NALF1: variants seen among roughly 807,000 people sequenced by gnomAD.
The protein encoded by NALF1 is NALCN channel auxiliary factor 1.
Under a neutral mutation model 48.4 loss-of-function variants are expected in NALF1, and 3 were observed. That is an observed-to-expected ratio of 0.06 (90% CI 0.03 to 0.16). The LOEUF is 0.16. Among genes scored for constraint, NALF1 ranks in the 10% least tolerant of loss-of-function variants. The pLI is 1.00. For missense variants in NALF1, 526 were observed against 571.5 expected (o/e 0.92, Z 0.81); for synonymous variants, 262 against 245.7 (o/e 1.07, Z -0.62).
chr13:107,501,362 AACTTT>A (rs1457642828), intron 1 of NALF1, among the ~76,000 whole-genome samples: 1 of 152,008 alleles, frequency 6.6e-6, no homozygotes, highest in Non-Finnish European at 1.5e-5. Flanking sequence ...AGCAATGCCT[AACTTT>A]ACTTTGCTGC....
chr13:107,300,328 C>A (rs1264819701), intron 1 of NALF1, among the ~76,000 whole-genome samples: 1 of 152,188 alleles, frequency 6.6e-6, no homozygotes, highest in African/African-American at 2.4e-5. Context: ...AATTTCCAAA[C>A]CAGGATAAAC....
In NALF1 at chr13:107,355,009, G is replaced by C. The variant is rs184478655; in HGVS notation, c.916-144254C>G. On this transcript the variant is annotated intron_variant, in intron 1 of 2. Coordinates refer to ENST00000375915, the MANE Select transcript of NALF1 (RefSeq NM_001080396.3). Reference sequence around the variant, plus strand: ...AGGACTAAGGATTTCAGCAGGGCATGGATTTGAGACCTTCAAGCCAGTTTC... The same window carrying C: ...AGGACTAAGGATTTCAGCAGGGCATCGATTTGAGACCTTCAAGCCAGTTTC... Among the ~76,000 whole-genome samples, 52 of 152,312 alleles carry C rather than the reference G, an allele frequency of 3.4e-4. No homozygotes were observed. In the East Asian group the frequency reaches 8.9e-3, roughly 26 times the overall value.
At chr13:107,332,361 GA>G in intron 1 of NALF1, among the ~76,000 whole-genome samples, 1 of 152,192 alleles carries the variant, frequency 6.6e-6, no homozygotes, top group Middle Eastern at 3.4e-3. Flanking sequence ...TAAACGGTGA[GA>G]AAAAAAATCT....
At chr13:107,659,434 T>A (rs1030914168) in intron 1 of NALF1, among the ~76,000 whole-genome samples, 1 of 152,140 alleles carries the variant, frequency 6.6e-6, no homozygotes, top group East Asian at 1.9e-4. Context: ...AAAATCATCC[T>A]TGTAATCCCT....
At position 107,610,175 on chromosome 13, in the gene NALF1, C is replaced by T. The variant is rs576168599; in HGVS notation, c.915+255507G>A. Among the ~76,000 whole-genome samples the T allele has an allele frequency of 2.6e-5, 4 of 152,326 alleles. No homozygotes were observed. In the South Asian group the frequency reaches 6.2e-4, roughly 24 times the overall value. On this transcript the variant is annotated intron_variant, in intron 1 of 2. Coordinates refer to ENST00000375915, the MANE Select transcript of NALF1 (RefSeq NM_001080396.3). Reference sequence around the variant, plus strand: ...GTTACTAGGGAAGAGGAAACTGGTACAGCTACTTTGACAAGCACCTGGGCA... The same window carrying T: ...GTTACTAGGGAAGAGGAAACTGGTATAGCTACTTTGACAAGCACCTGGGCA...
intron 1 of NALF1, among the ~76,000 whole-genome samples, chr13:107,488,355 T>C (rs543602851): frequency 2.6e-5 from 4 of 152,244 alleles, no homozygotes. Context: ...GTTCTTTTAG[T>C]TGTGATGTTA....
chr13:107,550,141 A>C (rs1877251900), intron 1 of NALF1, among the ~76,000 whole-genome samples: 1 of 152,054 alleles, frequency 6.6e-6, no homozygotes, highest in Non-Finnish European at 1.5e-5. Flanking sequence ...CTTTTGAGGG[A>C]CTTTACTGTA....
intron 1 of NALF1, among the ~76,000 whole-genome samples, chr13:107,861,596 T>A (rs189582150): frequency 1.7e-3 from 253 of 152,266 alleles, no homozygotes; most frequent in Middle Eastern, 3.4e-3. Context: ...CATCCTGGCT[T>A]ACATGATGAA....
chr13:107,419,556 T>C (rs1223448400), intron 1 of NALF1, among the ~76,000 whole-genome samples: 2 of 152,222 alleles, frequency 1.3e-5, no homozygotes, highest in Non-Finnish European at 1.5e-5. Flanking sequence ...CAGGTGAGGA[T>C]GCTGAGGCAC....
chr13:107,830,755 C>T (rs1879695078), intron 1 of NALF1, among the ~76,000 whole-genome samples: 1 of 152,144 alleles, frequency 6.6e-6, no homozygotes, highest in Non-Finnish European at 1.5e-5. Flanking sequence ...CACAGGCCTC[C>T]AAAGGGAGGT....
At chr13:107,732,214 T>C (rs1478874916) in intron 1 of NALF1, among the ~76,000 whole-genome samples, 1 of 152,060 alleles carries the variant, frequency 6.6e-6, no homozygotes, top group Non-Finnish European at 1.5e-5. Flanking sequence ...ATATACTGTA[T>C]ACTACATGCA....
chr13:107,587,544 A>G (rs925632719), intron 1 of NALF1, among the ~76,000 whole-genome samples: 1 of 152,146 alleles, frequency 6.6e-6, no homozygotes, highest in Non-Finnish European at 1.5e-5. Flanking sequence ...GAGGGAGAAT[A>G]AAAGGAAAAG....
At chr13:107,203,524 C>CGT (rs1415651523) in intron 2 of NALF1, among the ~76,000 whole-genome samples, 2 of 152,186 alleles carry the variant, frequency 1.3e-5, no homozygotes, top group African/African-American at 4.8e-5. Flanking sequence ...TTGCCAGACA[C>CGT]GGTGTCACTT....
chr13:107,846,686 T>C (rs1880181763), intron 1 of NALF1, among the ~76,000 whole-genome samples: 1 of 152,192 alleles, frequency 6.6e-6, no homozygotes. Context: ...GAAATAAATC[T>C]GCTAGTAGGG....
chr13:107,563,879 C>T (rs2138395594), intron 1 of NALF1, among the ~76,000 whole-genome samples: 1 of 152,260 alleles, frequency 6.6e-6, no homozygotes, highest in African/African-American at 2.4e-5. Context: ...ATAAATTAAT[C>T]CACTATGAAT....
At chr13:107,473,780 T>A (rs1203832438) in intron 1 of NALF1, among the ~76,000 whole-genome samples, 4 of 152,330 alleles carry the variant, frequency 2.6e-5, no homozygotes, top group African/African-American at 9.6e-5. Flanking sequence ...TACAAAATTC[T>A]ACCCAAATAG....
chr13:107,675,429 G>C (rs547566401), intron 1 of NALF1, among the ~76,000 whole-genome samples: 1 of 152,198 alleles, frequency 6.6e-6, no homozygotes, highest in Non-Finnish European at 1.5e-5. Context: ...GGGGGGAAGG[G>C]AGGAAATCTT....
intron 2 of NALF1, among the ~76,000 whole-genome samples, chr13:107,183,340 A>G (rs553477032): frequency 1.3e-5 from 2 of 152,296 alleles, no homozygotes; most frequent in East Asian, 3.9e-4. Flanking sequence ...AAGTTAGGAA[A>G]CAACAGATGC....
At chr13:107,462,344 A>C (rs1051384397) in intron 1 of NALF1, among the ~76,000 whole-genome samples, 2 of 152,244 alleles carry the variant, frequency 1.3e-5, no homozygotes. Flanking sequence ...TTAATGAAAT[A>C]ATCTAATTAT....
Sources: allele counts gnomAD v4.1 joint callset (sites outside exome capture counted in the v4.1 genomes callset), GRCh38; gene constraint gnomAD v4.1.1; transcripts MANE v1.5; gene names NCBI Gene and HGNC (gene_info 2026-07-23, HGNC 2026-07-21).